AAK1: variants seen among roughly 807,000 people sequenced by gnomAD.
The protein encoded by AAK1 is AP2 associated kinase 1.
In AAK1, 37 loss-of-function variants were observed where a neutral mutation model predicts 116.0. The ratio of observed to expected loss-of-function variants is 0.32; its 90% confidence interval spans 0.25 to 0.42. The LOEUF (loss-of-function observed/expected upper bound fraction) is 0.42. Ranked by LOEUF, AAK1 falls within the 10% of genes least tolerant of loss-of-function variation. The probability of loss-of-function intolerance (pLI) is 1.00; values close to 1 mark genes in which losing one functional copy is unlikely to be tolerated. For synonymous variants in AAK1, 458 were observed against 439.9 expected (o/e 1.04, Z -0.51); for missense variants, 919 against 1,170.6 (o/e 0.79, Z 3.14).
At chr2:69,518,847 A>G in intron 12 of AAK1, 107 bp downstream of exon 12, 2 of 1,418,446 alleles carry the variant, frequency 1.4e-6, no homozygotes, top group Non-Finnish European at 1.9e-6. Context: ...TATGAGAAAC[A>G]GTGATGTAAT....
At chr2:69,623,930 C>T (rs564529788) in intron 2 of AAK1, among the ~76,000 whole-genome samples, 2 of 152,134 alleles carry the variant, frequency 1.3e-5, no homozygotes, top group Admixed American at 1.3e-4. Context: ...TAAAGAACTC[C>T]TATTAAGTCA....
intron 3 of AAK1, among the ~76,000 whole-genome samples, chr2:69,550,013 C>CT (rs1466206100): frequency 1.3e-5 from 2 of 152,160 alleles, no homozygotes; most frequent in African/African-American, 4.8e-5. Flanking sequence ...ACAATGCTTT[C>CT]TTTTTAGAAA....
chr2:69,563,922 G>A (rs1052187777), intron 2 of AAK1, among the ~76,000 whole-genome samples: 2 of 152,120 alleles, frequency 1.3e-5, no homozygotes, highest in Non-Finnish European at 2.9e-5. Flanking sequence ...GGCCAGGCGC[G>A]GTGGCTCACG....
At chr2:69,482,438 C>G in intron 18 of AAK1, 1 of 591,618 alleles carries the variant, frequency 1.7e-6, no homozygotes, top group East Asian at 2.8e-5. Context: ...TTTTAAAGTT[C>G]TTCTAACTAA....
chr2:69,554,359 G>A (rs539412603), intron 3 of AAK1, among the ~76,000 whole-genome samples: 1 of 152,200 alleles, frequency 6.6e-6, no homozygotes, highest in South Asian at 2.1e-4. Flanking sequence ...CTGTTAAAAA[G>A]TACAAAGAAA....
intron 4 of AAK1, among the ~76,000 whole-genome samples, chr2:69,542,883 C>A (rs954621742): frequency 2.0e-5 from 3 of 152,142 alleles, no homozygotes; most frequent in African/African-American, 7.2e-5. Context: ...AAAACAGTTT[C>A]TTTATTTTAT....
chr2:69,545,349 GAAGT>G (rs1383030900), intron 3 of AAK1, among the ~76,000 whole-genome samples: 1 of 152,312 alleles, frequency 6.6e-6, no homozygotes, highest in African/African-American at 2.4e-5. Flanking sequence ...AAGTAATTAA[GAAGT>G]AAGTTGAGGA....
intron 2 of AAK1, among the ~76,000 whole-genome samples, chr2:69,638,948 A>T (rs1675574703): frequency 6.6e-6 from 1 of 152,356 alleles, no homozygotes; most frequent in Admixed American, 6.5e-5. Context: ...AGTGCCTGCC[A>T]CAAAGAGGCA....
At chr2:69,528,683 ATAAACT>A (rs1236415218) in intron 8 of AAK1, among the ~76,000 whole-genome samples, 2 of 152,182 alleles carry the variant, frequency 1.3e-5, no homozygotes. Context: ...GCTAATGATG[ATAAACT>A]TAATTTTAGA....
intron 3 of AAK1, among the ~76,000 whole-genome samples, chr2:69,552,465 C>T (rs1204538579): frequency 1.1e-4 from 16 of 152,154 alleles, no homozygotes. Context: ...GTAATCCCAG[C>T]ACTTTGGGAG....
intron 17 of AAK1, among the ~76,000 whole-genome samples, chr2:69,483,115 G>A (rs1434420561): frequency 6.6e-6 from 1 of 152,102 alleles, no homozygotes; most frequent in Non-Finnish European, 1.5e-5. Flanking sequence ...CATTTTAAGT[G>A]TACAATGTGG....
chr2:69,506,387 A>G (rs1676185856), intron 15 of AAK1, among the ~76,000 whole-genome samples: 1 of 152,206 alleles, frequency 6.6e-6, no homozygotes, highest in African/African-American at 2.4e-5. Context: ...TTCAACAGAC[A>G]GGGTCTCACT....
At chr2:69,563,007 T>C (rs906453988) in intron 2 of AAK1, among the ~76,000 whole-genome samples, 1 of 151,960 alleles carries the variant, frequency 6.6e-6, no homozygotes, top group African/African-American at 2.4e-5. Context: ...GAGGCTACAG[T>C]GAACTATGAT....
At chr2:69,610,997 T>C (rs1402295656) in intron 2 of AAK1, among the ~76,000 whole-genome samples, 3 of 152,204 alleles carry the variant, frequency 2.0e-5, no homozygotes, top group African/African-American at 4.8e-5. Flanking sequence ...AACTACCTTA[T>C]GATCCAGCAA....
intron 20 of AAK1, among the ~76,000 whole-genome samples, chr2:69,477,886 TAC>T (rs1674912903): frequency 6.6e-6 from 1 of 152,230 alleles, no homozygotes; most frequent in South Asian, 2.1e-4. Flanking sequence ...CTTTCTTTTC[TAC>T]ACATTTTCTC....
intron 2 of AAK1, among the ~76,000 whole-genome samples, chr2:69,642,367 C>T (rs1235027755): frequency 6.6e-6 from 1 of 152,150 alleles, no homozygotes; most frequent in Non-Finnish European, 1.5e-5. Flanking sequence ...TAGTGAAATC[C>T]ACCAAGAGCC....
Position 69,477,007 on chromosome 2 carries a change from A to G in AAK1, c.2681-17T>C. ...CTTCTGCAGCTTAATACAGAATGCAAGTACACAAGCAGAAACAACAGAGGC... is the reference window on the plus strand; with the variant it reads ...CTTCTGCAGCTTAATACAGAATGCAGGTACACAAGCAGAAACAACAGAGGC... On this transcript the variant is annotated splice_polypyrimidine_tract_variant and intron_variant, in intron 20 of 21. Transcript: ENST00000409085. 6.4e-7 allele frequency: 1 copy of G among 1,560,586 alleles called. No homozygotes were observed. The highest frequency in any genetic ancestry group is 8.8e-7 in the Non-Finnish European group (1 of 1,137,446).
chr2:69,573,362 A>G (rs1672164401), intron 2 of AAK1, among the ~76,000 whole-genome samples: 1 of 152,256 alleles, frequency 6.6e-6, no homozygotes, highest in Admixed American at 6.5e-5. Context: ...GATATATGCT[A>G]AAACAAGGAG....
At chr2:69,595,518 A>G (rs540532349) in intron 2 of AAK1, among the ~76,000 whole-genome samples, 1 of 152,360 alleles carries the variant, frequency 6.6e-6, no homozygotes, top group South Asian at 2.1e-4. Flanking sequence ...GCCAAAGTCT[A>G]ATCTAGAGCT....
Sources: allele counts gnomAD v4.1 joint callset (sites outside exome capture counted in the v4.1 genomes callset), GRCh38; gene constraint gnomAD v4.1.1; transcripts MANE v1.5; gene names NCBI Gene and HGNC (gene_info 2026-07-23, HGNC 2026-07-21).